Variants in PDZD8 observed in about 807,000 individuals in gnomAD.
PDZD8 encodes the protein PDZ domain containing 8.
Under a neutral mutation model 85.8 loss-of-function variants are expected in PDZD8, and 14 were observed. That is an observed-to-expected ratio of 0.16 (90% CI 0.11 to 0.26). The LOEUF (loss-of-function observed/expected upper bound fraction) is 0.26. Ranked by LOEUF, PDZD8 falls within the 10% of genes least tolerant of loss-of-function variation. The pLI, the probability that PDZD8 is intolerant of heterozygous loss-of-function variation, is 1.00. For missense variants in PDZD8, 1,197 were observed against 1,424.3 expected, an observed-to-expected ratio of 0.84 and a Z score of 2.57; for synonymous variants, 592 against 568.6, an observed-to-expected ratio of 1.04 and a Z score of -0.59.
chr10:117,351,770 C>T (rs72825530), intron 1 of PDZD8, among the ~76,000 whole-genome samples: 34,568 of 152,064 alleles, frequency 0.23, 4,530 homozygotes, highest in East Asian at 0.43. Flanking sequence ...TCACTACAGC[C>T]TTGACCTCCT....
At chr10:117,362,075 C>T (rs986925415) in intron 1 of PDZD8, among the ~76,000 whole-genome samples, 2 of 152,074 alleles carry the variant, frequency 1.3e-5, no homozygotes, top group African/African-American at 4.8e-5. Context: ...CCAGCTTTCT[C>T]CTAATTTTTC....
intron 3 of PDZD8, among the ~76,000 whole-genome samples, chr10:117,292,902 T>G (rs1040264179): frequency 8.6e-5 from 13 of 151,950 alleles, no homozygotes; most frequent in Admixed American, 7.9e-4. Flanking sequence ...GAACAGAACA[T>G]AAGACACTGT....
At chr10:117,369,021 G>T (rs1845141228) in intron 1 of PDZD8, among the ~76,000 whole-genome samples, 2 of 151,686 alleles carry the variant, frequency 1.3e-5, no homozygotes, top group African/African-American at 4.8e-5. Flanking sequence ...TTTAGTAGAA[G>T]CGGGGTTTCA....
intron 3 of PDZD8, among the ~76,000 whole-genome samples, chr10:117,292,733 C>CTT (rs1466485424): frequency 2.0e-5 from 3 of 148,838 alleles, no homozygotes; most frequent in African/African-American, 7.4e-5. Context: ...CTTTGCTTTT[C>CTT]TTAATTCAAA....
intron 3 of PDZD8, among the ~76,000 whole-genome samples, chr10:117,312,771 C>T (rs1346328990): frequency 6.6e-6 from 1 of 152,076 alleles, no homozygotes; most frequent in Non-Finnish European, 1.5e-5. Flanking sequence ...ATTTTTTTCC[C>T]ATCCATTTAT....
intron 3 of PDZD8, among the ~76,000 whole-genome samples, chr10:117,317,179 G>A (rs1844143947): frequency 6.6e-6 from 1 of 152,076 alleles, no homozygotes; most frequent in Non-Finnish European, 1.5e-5. Context: ...TAACTTGACT[G>A]AACAAATTTC....
intron 1 of PDZD8, among the ~76,000 whole-genome samples, chr10:117,372,776 A>G (rs2133898129): frequency 6.6e-6 from 1 of 152,278 alleles, no homozygotes; most frequent in African/African-American, 2.4e-5. Flanking sequence ...TACAAAGTAA[A>G]TTTCTCCTGC....
At chr10:117,322,405 T>C (rs1299071931) in intron 2 of PDZD8, among the ~76,000 whole-genome samples, 1 of 152,136 alleles carries the variant, frequency 6.6e-6, no homozygotes, top group Non-Finnish European at 1.5e-5. Context: ...CAAGCTTTGC[T>C]TTCTTTTGCC....
At chr10:117,322,916 G>A (rs1465146881) in intron 2 of PDZD8, among the ~76,000 whole-genome samples, 2 of 152,242 alleles carry the variant, frequency 1.3e-5, no homozygotes, top group East Asian at 3.9e-4. Context: ...CAAACTCGTG[G>A]CATATCCCTC....
At chr10:117,370,953 T>TGTGTGTGTGTGTGTG (rs1564716335) in intron 1 of PDZD8, among the ~76,000 whole-genome samples, 19 of 149,612 alleles carry the variant, frequency 1.3e-4, no homozygotes, top group South Asian at 4.2e-4. Flanking sequence ...TGTGTGTGTG[T>TGTGTGTGTGTGTGTG]TTAAAGGTGG....
intron 1 of PDZD8, among the ~76,000 whole-genome samples, chr10:117,346,713 T>G (rs969545234): frequency 9.2e-4 from 140 of 152,084 alleles, no homozygotes; most frequent in African/African-American, 3.3e-3. Flanking sequence ...TCCTCCCCTC[T>G]TTTCCTTGTC....
chr10:117,342,258 G>T (rs1402043287), intron 1 of PDZD8, among the ~76,000 whole-genome samples: 1 of 152,116 alleles, frequency 6.6e-6, no homozygotes, highest in African/African-American at 2.4e-5. Flanking sequence ...CTCCATTAAA[G>T]CTAAAGAAAA....
At chr10:117,299,364 A>G (rs1843808594) in intron 3 of PDZD8, among the ~76,000 whole-genome samples, 1 of 152,210 alleles carries the variant, frequency 6.6e-6, no homozygotes, top group Non-Finnish European at 1.5e-5. Context: ...CTAAATCTCT[A>G]GCAAGGCCAG....
chr10:117,357,975 T>C (rs573704029), intron 1 of PDZD8, among the ~76,000 whole-genome samples: 32 of 152,064 alleles, frequency 2.1e-4, no homozygotes, highest in Admixed American at 5.2e-4. Flanking sequence ...AAATAATCTA[T>C]GGGATTAAGG....
chr10:117,371,489 A>G (rs976609218), intron 1 of PDZD8, among the ~76,000 whole-genome samples: 3 of 152,160 alleles, frequency 2.0e-5, no homozygotes, highest in African/African-American at 4.8e-5. Context: ...CTGGCCCATC[A>G]CCAGTTTAAA....
At chr10:117,343,963 AC>A (rs781329080) in intron 1 of PDZD8, among the ~76,000 whole-genome samples, 2 of 152,196 alleles carry the variant, frequency 1.3e-5, no homozygotes, top group Non-Finnish European at 2.9e-5. Flanking sequence ...TACCTCTATC[AC>A]TTTCTTTTAT....
At chr10:117,337,504 C>T (rs1301950621) in intron 2 of PDZD8, among the ~76,000 whole-genome samples, 2 of 152,196 alleles carry the variant, frequency 1.3e-5, no homozygotes, top group Non-Finnish European at 2.9e-5. Flanking sequence ...ACTGCCTTTC[C>T]ACCCTCAAGC....
chr10:117,338,791 G>A (rs967298182), intron 2 of PDZD8, among the ~76,000 whole-genome samples: 2 of 152,138 alleles, frequency 1.3e-5, no homozygotes, highest in Non-Finnish European at 2.9e-5. Flanking sequence ...CTTACATGCA[G>A]TCTTTGATTC....
At position 117,283,663 on chromosome 10, in the gene PDZD8, A is replaced by G. The variant is rs1844605084; in HGVS notation, c.3070T>C (p.Tyr1024His). 1 of 1,614,080 alleles carries G rather than the reference A, an allele frequency of 6.2e-7. No homozygotes were observed. Among genetic ancestry groups the G allele is most frequent in the Non-Finnish European group, 8.5e-7 (1 of 1,180,044 alleles). The change falls in exon 5 of 5, where the codon TAC (tyrosine) becomes CAC (histidine). Residue 1024 changes from tyrosine (Y) to histidine (H), a missense_variant. Tyr to His is a moderately conservative substitution (Grantham distance 83, BLOSUM62 2). Around this residue, in one of 4 missense-constraint regions of PDZD8, gnomAD observed 418 missense variants for 571.1 expected, o/e 0.73. Coordinates refer to ENST00000334464, the MANE Select transcript of PDZD8 (RefSeq NM_173791.5). ...CTTTCCTCTGTAGGCAAGCCCCTGT[A>G]CAGATCACGACCAATTTCTTTAACT... is the stretch of plus-strand genomic sequence containing the variant. ...IAVKEIGRDL[Y>H]RGLPTEERIQ...
Sources: allele counts gnomAD v4.1 joint callset (sites outside exome capture counted in the v4.1 genomes callset), GRCh38; gene constraint gnomAD v4.1.1; regional missense constraint gnomAD v4.1.1; transcripts MANE v1.5; gene names NCBI Gene and HGNC (gene_info 2026-07-23, HGNC 2026-07-21).